Variants in ATXN1 observed in about 807,000 individuals in gnomAD.
ATXN1 encodes ataxin-1.
A neutral mutation model predicts 56.4 loss-of-function variants in ATXN1; 8 were observed. The ratio of observed to expected loss-of-function variants is 0.14; its 90% CI spans 0.08 to 0.26. The LOEUF (loss-of-function observed/expected upper bound fraction) is 0.26, where lower values mean the gene tolerates loss of function less well. Among genes scored for constraint, ATXN1 ranks in the 10% least tolerant of loss-of-function variants. The pLI, the probability that ATXN1 is intolerant of heterozygous loss-of-function variation, is 1.00. For missense variants in ATXN1, 987 were observed against 1,106.5 expected (o/e 0.89, Z 1.53); for synonymous variants, 514 against 494.6 (o/e 1.04, Z -0.52).
chr6:16,688,738 T>C (rs1350414097), intron 2 of ATXN1, among the ~76,000 whole-genome samples: 2 of 152,222 alleles, frequency 1.3e-5, no homozygotes, highest in African/African-American at 2.4e-5. Context: ...GGCTCACTTA[T>C]TTACAATTGG....
chr6:16,501,109 G>A (rs1760877662), intron 5 of ATXN1, among the ~76,000 whole-genome samples: 2 of 152,200 alleles, frequency 1.3e-5, no homozygotes, highest in Non-Finnish European at 1.5e-5. Flanking sequence ...ATGTGCGTGA[G>A]TGTGCACATA....
chr6:16,599,254 C>T (rs1449810961), intron 3 of ATXN1, among the ~76,000 whole-genome samples: 1 of 152,206 alleles, frequency 6.6e-6, no homozygotes, highest in African/African-American at 2.4e-5. Flanking sequence ...AATGTCACCA[C>T]TCACTCAGGT....
At chr6:16,355,111 A>G (rs960082427) in intron 6 of ATXN1, among the ~76,000 whole-genome samples, 5 of 152,206 alleles carry the variant, frequency 3.3e-5, no homozygotes, top group Non-Finnish European at 5.9e-5. Context: ...ACTCTGGGGC[A>G]GTTGAACTGC....
At chr6:16,710,430 G>T (rs1358573813) in intron 2 of ATXN1, among the ~76,000 whole-genome samples, 4 of 151,878 alleles carry the variant, frequency 2.6e-5, no homozygotes, top group Non-Finnish European at 4.4e-5. Flanking sequence ...TTTTTTGGGG[G>T]GTAGGGGGAT....
chr6:16,432,488 A>G lies in ATXN1; in HGVS notation c.-161+53484T>C, dbSNP rs188278294. 8 of 152,346 alleles carry G rather than the reference A, an allele frequency of 5.3e-5. No homozygotes were observed. In the East Asian group the frequency reaches 1.5e-3, roughly 29 times the overall value. The allele number at this position is 152,346 out of a possible 1,614,324, so 9.4% of individuals were successfully genotyped here. A position where few individuals can be genotyped will look rare whatever the true frequency, so the allele number is the denominator to read the frequency against. On this transcript the variant is annotated intron_variant, in intron 6 of 7. Transcript: ENST00000436367. ...TGTTTACAGCTTGAAGACCAAACAGATTTAATAGTTAAAACATTTAAACTA... is the reference window on the plus strand; with the variant it reads ...TGTTTACAGCTTGAAGACCAAACAGGTTTAATAGTTAAAACATTTAAACTA...
chr6:16,602,807 C>T lies in ATXN1; in HGVS notation c.-488-16900G>A, dbSNP rs377736022. Among the ~76,000 whole-genome samples, 240 of 152,242 alleles carry T rather than the reference C, an allele frequency of 1.6e-3. 5 individuals carry two copies. In the South Asian group the frequency reaches 0.047, roughly 30 times the overall value. Reference sequence around the variant, plus strand: ...AGGTAACGTCTCCTACTTTTGCAAGCTTCTTTTGCTTCCTATGAAGGCTTG... The same window carrying T: ...AGGTAACGTCTCCTACTTTTGCAAGTTTCTTTTGCTTCCTATGAAGGCTTG... On this transcript the variant is annotated intron_variant, in intron 3 of 7. Coordinates refer to ENST00000436367, the MANE Select transcript of ATXN1 (RefSeq NM_001128164.2).
chr6:16,649,355 C>T (rs1763855377), intron 3 of ATXN1, among the ~76,000 whole-genome samples: 1 of 151,970 alleles, frequency 6.6e-6, no homozygotes, highest in South Asian at 2.1e-4. Flanking sequence ...TACATCAACC[C>T]TTTAATGTTA....
intron 6 of ATXN1, among the ~76,000 whole-genome samples, chr6:16,360,566 C>T (rs918140342): frequency 1.3e-5 from 2 of 152,132 alleles, no homozygotes; most frequent in Non-Finnish European, 2.9e-5. Context: ...GGGAACATGA[C>T]TATATTTCAA....
At chr6:16,695,884 A>G (rs1285707108) in intron 2 of ATXN1, among the ~76,000 whole-genome samples, 1 of 152,102 alleles carries the variant, frequency 6.6e-6, no homozygotes, top group Non-Finnish European at 1.5e-5. Flanking sequence ...GGATCACTGG[A>G]GCCCAGGAGT....
intron 7 of ATXN1, among the ~76,000 whole-genome samples, chr6:16,323,246 C>T (rs547629748): frequency 3.3e-5 from 5 of 152,246 alleles, no homozygotes; most frequent in East Asian, 3.9e-4. Flanking sequence ...AGGGGCTGGG[C>T]GCAGTGGCTC....
intron 6 of ATXN1, among the ~76,000 whole-genome samples, chr6:16,439,434 G>C (rs1759468539): frequency 7.6e-6 from 1 of 131,900 alleles, no homozygotes. Context: ...GTACCAGAGT[G>C]ACTCAGGGGT....
intron 6 of ATXN1, among the ~76,000 whole-genome samples, chr6:16,392,231 C>T (rs1758368680): frequency 6.6e-6 from 1 of 152,198 alleles, no homozygotes; most frequent in African/African-American, 2.4e-5. Flanking sequence ...ATTCCAATGT[C>T]ATCAGCAGAG....
intron 6 of ATXN1, among the ~76,000 whole-genome samples, chr6:16,342,213 T>A (rs1030456171): frequency 5.9e-5 from 9 of 152,062 alleles, no homozygotes; most frequent in African/African-American, 2.2e-4. Context: ...CAGCAGCCAA[T>A]CCTTTTCCCC....
At chr6:16,657,214 C>G (rs973931900) in intron 3 of ATXN1, among the ~76,000 whole-genome samples, 2 of 152,084 alleles carry the variant, frequency 1.3e-5, no homozygotes, top group Admixed American at 1.3e-4. Context: ...ATCTCAATCT[C>G]CTGACCTCGT....
At chr6:16,399,723 G>T (rs906587716) in intron 6 of ATXN1, among the ~76,000 whole-genome samples, 1 of 152,092 alleles carries the variant, frequency 6.6e-6, no homozygotes, top group Admixed American at 6.6e-5. Flanking sequence ...AGCATCCAGC[G>T]CATAGAGGCC....
At chr6:16,494,093 G>C (rs142644102) in intron 5 of ATXN1, among the ~76,000 whole-genome samples, 1 of 9,944 alleles carries the variant, frequency 1.0e-4, no homozygotes, top group Non-Finnish European at 1.5e-4. Flanking sequence ...GGCATCTCCA[G>C]TGCAGGGCTG....
chr6:16,561,496 T>G (rs1240326716), intron 4 of ATXN1, among the ~76,000 whole-genome samples: 1 of 152,208 alleles, frequency 6.6e-6, no homozygotes, highest in Non-Finnish European at 1.5e-5. Context: ...CTCCTTTCAT[T>G]TAGCAAACAT....
chr6:16,566,882 CAAA>C (rs1245957727), intron 4 of ATXN1, among the ~76,000 whole-genome samples: 4 of 130,400 alleles, frequency 3.1e-5, no homozygotes, highest in African/African-American at 5.6e-5. Flanking sequence ...ACAACAACAA[CAAA>C]AACATTTTGT....
At position 16,306,869 on chromosome 6, in the gene ATXN1, C is replaced by G. The variant is rs377646713; in HGVS notation, c.1918-10G>C. Reference sequence around the variant, plus strand: ...AAACTTCAACGCTGACCTGTGGAAACAGGGAGAGACAGAGAGAGGAAGAAG... The same window carrying G: ...AAACTTCAACGCTGACCTGTGGAAAGAGGGAGAGACAGAGAGAGGAAGAAG... On this transcript the variant is annotated splice_polypyrimidine_tract_variant and intron_variant, in intron 7 of 7. Transcript: ENST00000436367. This position sits in a 1 kb window ranked among gnomAD's most constrained non-coding sequence, Gnocchi z 5.2. The G allele has an allele frequency of 1.6e-5, 26 of 1,583,426 alleles. No individual in the cohort carries two copies. The African/African-American group carries it at 2.2e-4, about 13-fold the overall frequency.
Sources: gnomAD v4.1 joint callset for allele counts (sites outside exome capture counted in the v4.1 genomes callset) on GRCh38, gnomAD v4.1.1 for gene constraint, Gnocchi (gnomAD v3.1) non-coding constraint, MANE v1.5 for transcripts, NCBI Gene and HGNC (gene_info 2026-07-23, HGNC 2026-07-21) for gene names.